The following CDYL2 variants were observed in gnomAD, a reference collection of about 807,000 sequenced individuals.
The protein encoded by CDYL2 is chromodomain Y-like protein 2.
In CDYL2, 23 loss-of-function variants were observed where a neutral mutation model predicts 49.4. That is an observed-to-expected ratio of 0.47 (90% CI 0.34 to 0.66). The LOEUF is 0.66. Among genes scored for constraint, CDYL2 ranks in the 30% least tolerant of loss-of-function variants. The probability of loss-of-function intolerance (pLI) is 0.01; values close to 1 mark genes in which losing one functional copy is unlikely to be tolerated. For synonymous variants in CDYL2, 360 were observed against 268.8 expected (o/e 1.34, Z -3.32); for missense variants, 678 against 656.4 (o/e 1.03, Z -0.36).
chr16:80,673,456 T>C (rs565972528), intron 2 of CDYL2, among the ~76,000 whole-genome samples: 1 of 152,344 alleles, frequency 6.6e-6, no homozygotes, highest in South Asian at 2.1e-4. Context: ...TTAAATGAAA[T>C]AATCTACTTG....
At chr16:80,699,929 G>A (rs9931581) in intron 1 of CDYL2, among the ~76,000 whole-genome samples, 8,737 of 151,112 alleles carry the variant, frequency 0.058, 435 homozygotes, top group African/African-American at 0.14. Context: ...GTGCAGTGGC[G>A]CGATCTCCGC....
chr16:80,803,572 G>T (rs1053588768), intron 1 of CDYL2, among the ~76,000 whole-genome samples: 2 of 150,920 alleles, frequency 1.3e-5, no homozygotes, highest in African/African-American at 4.9e-5. Context: ...GCGGTTTGGC[G>T]GTTGTCCCCC....
At chr16:80,764,990 G>A (rs1332507479) in intron 1 of CDYL2, among the ~76,000 whole-genome samples, 1 of 149,442 alleles carries the variant, frequency 6.7e-6, no homozygotes, top group Admixed American at 6.7e-5. Context: ...AACCTGGGAG[G>A]CGGAGCTTGC....
At chr16:80,793,155 A>G (rs925004437) in intron 1 of CDYL2, among the ~76,000 whole-genome samples, 3 of 152,308 alleles carry the variant, frequency 2.0e-5, no homozygotes, top group Admixed American at 1.3e-4. Flanking sequence ...AACGGACAGT[A>G]TATCTCAAAC....
At chr16:80,632,714 C>G (rs933421214) in intron 3 of CDYL2, 2 of 343,880 alleles carry the variant, frequency 5.8e-6, no homozygotes, top group African/African-American at 4.1e-5. Flanking sequence ...TGGAAAAGCC[C>G]AAGATGTGAT....
intron 1 of CDYL2, among the ~76,000 whole-genome samples, chr16:80,783,459 A>G (rs1435743208): frequency 6.6e-6 from 1 of 152,146 alleles, no homozygotes; most frequent in Non-Finnish European, 1.5e-5. Flanking sequence ...AAAAGTTAAA[A>G]ATAGAATTAC....
At chr16:80,753,897 G>A (rs1031471739) in intron 1 of CDYL2, among the ~76,000 whole-genome samples, 1 of 152,166 alleles carries the variant, frequency 6.6e-6, no homozygotes, top group Non-Finnish European at 1.5e-5. Context: ...CAAAGGATTT[G>A]TTTCCAAAAT....
chr16:80,721,386 T>A (rs1904993335), intron 1 of CDYL2, among the ~76,000 whole-genome samples: 1 of 152,190 alleles, frequency 6.6e-6, no homozygotes, highest in African/African-American at 2.4e-5. Flanking sequence ...GGATTCAAAA[T>A]CATCCCTGAT....
intron 1 of CDYL2, among the ~76,000 whole-genome samples, chr16:80,777,322 C>A (rs1454936493): frequency 6.6e-6 from 1 of 150,600 alleles, no homozygotes; most frequent in East Asian, 1.9e-4. Context: ...TTATCTAGTT[C>A]ATAATTAAAA....
At chr16:80,667,172 C>T (rs746351262) in intron 2 of CDYL2, among the ~76,000 whole-genome samples, 7 of 152,122 alleles carry the variant, frequency 4.6e-5, no homozygotes, top group East Asian at 1.9e-4. Context: ...GGGCTCACAG[C>T]GGGAGGCATT....
intron 2 of CDYL2, among the ~76,000 whole-genome samples, chr16:80,643,486 T>G (rs1908194637): frequency 6.6e-6 from 1 of 152,202 alleles, no homozygotes; most frequent in African/African-American, 2.4e-5. Context: ...GGACTCTGTG[T>G]GGGGGCGGTG....
chr16:80,770,184 T>C (rs770325951), intron 1 of CDYL2, among the ~76,000 whole-genome samples: 1 of 152,194 alleles, frequency 6.6e-6, no homozygotes, highest in Non-Finnish European at 1.5e-5. Context: ...TATTAAGCCA[T>C]GCAACATGAG....
At chr16:80,696,257 G>C (rs1347606842) in intron 1 of CDYL2, among the ~76,000 whole-genome samples, 2 of 152,090 alleles carry the variant, frequency 1.3e-5, no homozygotes, top group Non-Finnish European at 2.9e-5. Context: ...AGTACTAAGA[G>C]AGAAGGTAAT....
intron 1 of CDYL2, among the ~76,000 whole-genome samples, chr16:80,769,481 T>A (rs773125245): frequency 6.6e-6 from 1 of 152,214 alleles, no homozygotes; most frequent in Non-Finnish European, 1.5e-5. Context: ...AGAGTTACTC[T>A]ATTGCTAGCT....
intron 3 of CDYL2, among the ~76,000 whole-genome samples, chr16:80,621,974 A>C (rs1907103262): frequency 1.3e-5 from 2 of 152,074 alleles, no homozygotes; most frequent in Admixed American, 6.5e-5. Flanking sequence ...CCTCCCCAAC[A>C]CCAGTGAGTG....
At chr16:80,794,043 T>C (rs1236111319) in intron 1 of CDYL2, among the ~76,000 whole-genome samples, 1 of 152,240 alleles carries the variant, frequency 6.6e-6, no homozygotes, top group Admixed American at 6.5e-5. Flanking sequence ...TTCTTCATTC[T>C]AATTGATCCT....
At chr16:80,787,050 C>A (rs1338652187) in intron 1 of CDYL2, among the ~76,000 whole-genome samples, 2 of 151,896 alleles carry the variant, frequency 1.3e-5, no homozygotes, top group Admixed American at 6.6e-5. Flanking sequence ...CACATGTAAC[C>A]CAGAACCTAA....
chr16:80,631,989 C>T (rs536224151), intron 3 of CDYL2, among the ~76,000 whole-genome samples: 2 of 151,996 alleles, frequency 1.3e-5, no homozygotes, highest in East Asian at 1.9e-4. Flanking sequence ...TGCAGTTCCT[C>T]GAAAAATACG....
chr16:80,678,492 C>T (rs905313982), intron 2 of CDYL2, among the ~76,000 whole-genome samples: 6 of 152,046 alleles, frequency 3.9e-5, no homozygotes, highest in Non-Finnish European at 8.8e-5. Flanking sequence ...ATTTATGCAG[C>T]CAAAAGACAC....
Sources: gnomAD v4.1 joint callset for allele counts (sites outside exome capture counted in the v4.1 genomes callset) on GRCh38, gnomAD v4.1.1 for gene constraint, MANE v1.5 for transcripts, NCBI Gene and HGNC (gene_info 2026-07-23, HGNC 2026-07-21) for gene names.